Variants in HYKK observed in about 807,000 individuals in gnomAD.
HYKK encodes hydroxylysine kinase, also known as 5-hydroxy-L-lysine kinase.
Under a neutral mutation model 29.7 loss-of-function variants are expected in HYKK, and 19 were observed. The ratio of observed to expected loss-of-function variants is 0.64; its 90% CI spans 0.45 to 0.94. The LOEUF (loss-of-function observed/expected upper bound fraction) is 0.94, where lower values mean the gene tolerates loss of function less well. HYKK is among the 40% of genes least tolerant of loss of function. HYKK has a pLI of 0.00. For missense variants in HYKK, 390 were observed against 443.4 expected, an observed-to-expected ratio of 0.88 and a Z score of 1.08; for synonymous variants, 152 against 158.1, an observed-to-expected ratio of 0.96 and a Z score of 0.29.
intron 1 of HYKK, among the ~76,000 whole-genome samples, chr15:78,510,864 G>GAA (rs2052067243): frequency 6.6e-6 from 1 of 150,594 alleles, no homozygotes; most frequent in African/African-American, 2.4e-5. Flanking sequence ...TCAAGATGTA[G>GAA]AACACTTGCC....
At position 78,515,100 on chromosome 15, in the gene HYKK, C is replaced by A; in HGVS notation, c.470C>A (p.Thr157Lys). 6.3e-7 allele frequency: 1 copy of A among 1,579,174 alleles called. No individual in the cohort carries two copies. The highest frequency in any genetic ancestry group is 8.6e-7 in the Non-Finnish European group (1 of 1,164,496). ...IGKLAAKLDK[T>K]LQRFHHPKLS... is the part of the protein sequence containing the mutation. Reference sequence around the variant, plus strand: ...AAACTAGCTGCCAAATTGGATAAGACACTGCAGGTAAGATTTGGGGCTTTA... The same window carrying A: ...AAACTAGCTGCCAAATTGGATAAGAAACTGCAGGTAAGATTTGGGGCTTTA... The change falls in exon 3 of 5, where the codon ACA becomes AAA. Residue 157 changes from threonine (T) to lysine (K), a missense_variant. Thr to Lys is a moderately conservative substitution (Grantham distance 78, BLOSUM62 -1). Coordinates refer to ENST00000388988, the MANE Select transcript of HYKK (RefSeq NM_001013619.4).
intron 2 of HYKK, 80 bp from the exon 3 acceptor site, chr15:78,514,888 A>AG: frequency 9.3e-4 from 91 of 97,386 alleles, no homozygotes; most frequent in Non-Finnish European, 1.0e-3. Context: ...ATATCTAAAT[A>AG]CCTCTCTCTC....
chr15:78,533,224 G>T lies in HYKK; in HGVS notation c.676G>T (p.Asp226Tyr), dbSNP rs772232040. The T allele has an allele frequency of 1.3e-6, 2 of 1,598,896 alleles. No homozygotes were observed. The change falls in exon 5 of 5, where the codon GAT becomes TAT. Residue 226 changes from aspartate to tyrosine, a missense_variant. Asp to Tyr is a radical substitution (Grantham distance 160). Coordinates refer to ENST00000388988, the MANE Select transcript of HYKK (RefSeq NM_001013619.4). ...TCTACTTTCAGGTATCAATCACGGA[G>T]ATCTTAATGACCATAATATTTTAAT... ...SHFRECINHG[D>Y]LNDHNILIES...
At chr15:78,517,690 T>G (rs2052150701) in intron 3 of HYKK, among the ~76,000 whole-genome samples, 1 of 152,356 alleles carries the variant, frequency 6.6e-6, no homozygotes, top group African/African-American at 2.4e-5. Flanking sequence ...CTGGGATACC[T>G]TGAGTGGATA....
chr15:78,516,738 G>A (rs768088221), intron 3 of HYKK, among the ~76,000 whole-genome samples: 6 of 152,166 alleles, frequency 3.9e-5, no homozygotes, highest in African/African-American at 7.2e-5. Context: ...AAGAGGTTTA[G>A]GCCAGGTGTG....
chr15:78,514,574 G>A (rs2052107709), intron 2 of HYKK, among the ~76,000 whole-genome samples: 1 of 152,250 alleles, frequency 6.6e-6, no homozygotes, highest in African/African-American at 2.4e-5. Flanking sequence ...TCATTTATTT[G>A]TACCTCACTC....
intron 4 of HYKK, among the ~76,000 whole-genome samples, chr15:78,532,277 A>G (rs1051785888): frequency 4.6e-5 from 7 of 152,176 alleles, no homozygotes; most frequent in African/African-American, 1.7e-4. Flanking sequence ...GCTCCATTCA[A>G]TGAGACAAGG....
chr15:78,523,461 T>C (rs1212222486), intron 3 of HYKK, among the ~76,000 whole-genome samples: 14 of 152,184 alleles, frequency 9.2e-5, no homozygotes, highest in Non-Finnish European at 2.9e-5. Flanking sequence ...CCACCTCCAA[T>C]ACTGGGGATT....
At chr15:78,530,387 A>C (rs7169751) in intron 4 of HYKK, among the ~76,000 whole-genome samples, 1 of 151,938 alleles carries the variant, frequency 6.6e-6, no homozygotes, top group African/African-American at 2.4e-5. Context: ...ATTATTATTC[A>C]TGGGTATTTA....
chr15:78,513,824 C>A (rs1272301889), intron 2 of HYKK, among the ~76,000 whole-genome samples: 1 of 152,152 alleles, frequency 6.6e-6, no homozygotes, highest in Non-Finnish European at 1.5e-5. Context: ...AGGGGTCTCA[C>A]TCTATCACCC....
chr15:78,533,878 C>G lies in HYKK; in HGVS notation c.*208C>G. 1 of 567,648 alleles carries G rather than the reference C, an allele frequency of 1.8e-6. No individual in the cohort carries two copies. Among genetic ancestry groups the G allele is most frequent in the Non-Finnish European group, 3.1e-6 (1 of 322,110 alleles). The allele number at this position is 567,648 out of a possible 1,614,324, so 35.2% of individuals were successfully genotyped here. Reference sequence around the variant, plus strand: ...AATTCACAAAAGTACCACAAGCAAGCATATTTTTCTGTGAGTCTTACTTGC... The same window carrying G: ...AATTCACAAAAGTACCACAAGCAAGGATATTTTTCTGTGAGTCTTACTTGC... On this transcript the variant is annotated 3_prime_UTR_variant, in exon 5 of 5. Transcript: ENST00000388988.
At chr15:78,520,351 A>G (rs952235977) in intron 3 of HYKK, among the ~76,000 whole-genome samples, 1 of 151,970 alleles carries the variant, frequency 6.6e-6, no homozygotes, top group Non-Finnish European at 1.5e-5. Context: ...AAGTGAACAA[A>G]GGTCTCTGGT....
At chr15:78,522,400 A>AT (rs908644379) in intron 3 of HYKK, among the ~76,000 whole-genome samples, 2 of 150,012 alleles carry the variant, frequency 1.3e-5, no homozygotes, top group Non-Finnish European at 1.5e-5. Context: ...CTAAAAAAAA[A>AT]TTTTTTTAAT....
chr15:78,517,109 C>CTTTTTTTTTTTTTTTT (rs34680285), intron 3 of HYKK, among the ~76,000 whole-genome samples: 1 of 108,404 alleles, frequency 9.2e-6, no homozygotes, highest in Non-Finnish European at 1.9e-5. Context: ...TTCTTTCTTT[C>CTTTTTTTTTTTTTTTT]TTTTTTTTTT....
intron 3 of HYKK, among the ~76,000 whole-genome samples, chr15:78,519,411 C>T (rs1489039831): frequency 6.6e-6 from 1 of 152,144 alleles, no homozygotes; most frequent in Non-Finnish European, 1.5e-5. Context: ...TTAAATAGCC[C>T]TTTCTAATTA....
chr15:78,514,137 T>G (rs1430223906), intron 2 of HYKK, among the ~76,000 whole-genome samples: 1 of 152,136 alleles, frequency 6.6e-6, no homozygotes, highest in Non-Finnish European at 1.5e-5. Flanking sequence ...TAAAACATTT[T>G]TATTATTTAG....
intron 3 of HYKK, among the ~76,000 whole-genome samples, chr15:78,524,278 A>G (rs1262002444): frequency 6.6e-6 from 1 of 152,240 alleles, no homozygotes; most frequent in African/African-American, 2.4e-5. Context: ...CCACATGCTT[A>G]ACACCACTTG....
chr15:78,535,636 T>C lies in HYKK; in HGVS notation c.*1966T>C, dbSNP rs556868065. On this transcript the variant is annotated 3_prime_UTR_variant, in exon 5 of 5. Transcript: ENST00000388988. Reference sequence around the variant, plus strand: ...AGTAATTTTTTGCTTGCCTCTCTTATATTCAGTGAGCCCTACTGGTTTTTA... The same window carrying C: ...AGTAATTTTTTGCTTGCCTCTCTTACATTCAGTGAGCCCTACTGGTTTTTA... The C allele has an allele frequency of 6.6e-6, 1 of 152,340 alleles. No homozygotes were observed. The highest frequency in any genetic ancestry group is 2.1e-4 in the South Asian group (1 of 4,834). 9.4% of individuals were successfully genotyped at this position (152,340 alleles called of 1,614,324 possible). A position where few individuals can be genotyped will look rare whatever the true frequency, so the allele number is the denominator to read the frequency against.
chr15:78,533,483 G>A lies in HYKK; in HGVS notation c.935G>A (p.Arg312His), dbSNP rs61741253. Residue 312 changes from arginine to histidine, a missense_variant, in exon 5 of 5, where the codon CGT becomes CAT. By Grantham distance (29) the Arg-to-His change is conservative. Coordinates refer to ENST00000388988, the MANE Select transcript of HYKK (RefSeq NM_001013619.4). ...KGALFLLVCS[R>H]FCQSLVMAAY... ...GCTTTGTTTTTACTTGTATGCAGTC[G>A]TTTTTGTCAGTCACTTGTCATGGCT... 97 of 1,614,150 alleles carry A rather than the reference G, an allele frequency of 6.0e-5. No individual in the cohort carries two copies. In the East Asian group the frequency reaches 7.8e-4, roughly 13 times the overall value.
Sources: allele counts gnomAD v4.1 joint callset (sites outside exome capture counted in the v4.1 genomes callset), GRCh38; gene constraint gnomAD v4.1.1; transcripts MANE v1.5; gene names NCBI Gene and HGNC (gene_info 2026-07-23, HGNC 2026-07-21).